GK5: variants seen among roughly 807,000 people sequenced by gnomAD.
GK5 encodes the protein glycerol kinase 5, also known as ATP:glycerol 3-phosphotransferase 5.
In GK5, 39 loss-of-function variants were observed where a neutral mutation model predicts 77.3. The ratio of observed to expected loss-of-function variants is 0.50; its 90% confidence interval spans 0.39 to 0.66. GK5 has a LOEUF of 0.66. Among genes scored for constraint, GK5 ranks in the 30% least tolerant of loss-of-function variants. The probability of loss-of-function intolerance (pLI) is 0.00; values close to 1 mark genes in which losing one functional copy is unlikely to be tolerated. For synonymous variants in GK5, 211 were observed against 208.0 expected, an observed-to-expected ratio of 1.01 and a Z score of -0.13; for missense variants, 487 against 633.8, an observed-to-expected ratio of 0.77 and a Z score of 2.49.
chr3:142,190,432 G>A (rs2063832845), intron 5 of GK5, among the ~76,000 whole-genome samples: 1 of 152,120 alleles, frequency 6.6e-6, no homozygotes, highest in South Asian at 2.1e-4. Context: ...AGGTCCTAGG[G>A]CAATGGCCCA....
chr3:142,208,884 T>C (rs2064149638), intron 3 of GK5, among the ~76,000 whole-genome samples: 1 of 152,158 alleles, frequency 6.6e-6, no homozygotes, highest in South Asian at 2.1e-4. Flanking sequence ...GCGTGGTGGC[T>C]CACGCCTGTA....
At chr3:142,166,522 TAATAAAA>T in intron 15 of GK5, among the ~76,000 whole-genome samples, 1 of 152,148 alleles carries the variant, frequency 6.6e-6, no homozygotes, top group African/African-American at 2.4e-5. Context: ...ATATGATATA[TAATAAAA>T]AGCAAGAGAA....
At chr3:142,188,997 CT>C in intron 5 of GK5, among the ~76,000 whole-genome samples, 1 of 152,274 alleles carries the variant, frequency 6.6e-6, no homozygotes, top group South Asian at 2.1e-4. Context: ...CTTATTTGTC[CT>C]TCAAGACCAG....
At chr3:142,205,961 A>C (rs1280705957) in intron 3 of GK5, among the ~76,000 whole-genome samples, 1 of 152,048 alleles carries the variant, frequency 6.6e-6, no homozygotes. Context: ...GTGTCTATAC[A>C]TTTGCCTATT....
At chr3:142,198,551 T>C (rs2063970051) in intron 5 of GK5, among the ~76,000 whole-genome samples, 1 of 152,152 alleles carries the variant, frequency 6.6e-6, no homozygotes, top group Non-Finnish European at 1.5e-5. Flanking sequence ...GAGCTGGAGA[T>C]TGCAGTGAGC....
intron 13 of GK5, among the ~76,000 whole-genome samples, chr3:142,172,125 T>C (rs1434317078): frequency 6.6e-6 from 1 of 152,056 alleles, no homozygotes; most frequent in Non-Finnish European, 1.5e-5. Context: ...AATCCTTCAA[T>C]TTTCAGATAT....
intron 11 of GK5, among the ~76,000 whole-genome samples, chr3:142,179,312 G>GT (rs1265949838): frequency 5.3e-5 from 8 of 152,164 alleles, no homozygotes; most frequent in Non-Finnish European, 1.0e-4. Flanking sequence ...TATCAAATCC[G>GT]TAAGTTTCAT....
At chr3:142,203,369 C>A (rs1302901130) in intron 4 of GK5, among the ~76,000 whole-genome samples, 1 of 152,158 alleles carries the variant, frequency 6.6e-6, no homozygotes, top group Admixed American at 6.5e-5. Flanking sequence ...AAATTAATAT[C>A]ATCAAATACT....
intron 15 of GK5, among the ~76,000 whole-genome samples, chr3:142,168,998 G>T (rs1316723320): frequency 6.6e-6 from 1 of 152,142 alleles, no homozygotes; most frequent in Non-Finnish European, 1.5e-5. Context: ...CCTCTGGGAA[G>T]CCTAGACCAC....
chr3:142,177,575 G>A lies in GK5; in HGVS notation c.1050C>T (p.Asp350=). The change falls in exon 12 of 16, where the codon GAC becomes GAT. Residue 350 remains aspartate (D), a splice_region_variant and synonymous_variant. Coordinates refer to ENST00000392993, the MANE Select transcript of GK5 (RefSeq NM_001039547.3). The part of the protein sequence containing the change: ...GTAIKWAQQL[D]LFTDAAETEK... Reference sequence around the variant, plus strand: ...CAGTCTCAGCAGCATCTGTGAAAAGGTCTGCAAAAACAAACAAACAACAAA... The same window carrying A: ...CAGTCTCAGCAGCATCTGTGAAAAGATCTGCAAAAACAAACAAACAACAAA... The A allele has an allele frequency of 1.9e-5, 30 of 1,597,488 alleles. No homozygotes were observed. The highest frequency in any genetic ancestry group is 2.6e-5 in the Non-Finnish European group (30 of 1,169,414).
chr3:142,173,327 A>C, intron 12 of GK5: 1 of 301,530 alleles, frequency 3.3e-6, no homozygotes, highest in South Asian at 3.1e-5. Flanking sequence ...AGTATGTATT[A>C]ATCAGATGAG....
In GK5 at chr3:142,213,109, C is replaced by T. The variant is rs531351397; in HGVS notation, c.317+417G>A. On this transcript the variant is annotated intron_variant, in intron 3 of 15. Coordinates refer to ENST00000392993, the MANE Select transcript of GK5 (RefSeq NM_001039547.3). ...TCGGCCTCCCAAAGTGCTGGGATTA[C>T]AGGCGTGAGCCACCGCTCCTGGCCG... 3.3e-5 allele frequency among the ~76,000 whole-genome samples: 5 copies of T among 152,258 alleles called. No homozygotes were observed. In the South Asian group the frequency reaches 8.3e-4, roughly 25 times the overall value.
chr3:142,170,213 T>C, intron 15 of GK5, 112 bp downstream of exon 15: 2 of 1,113,296 alleles, frequency 1.8e-6, no homozygotes, highest in South Asian at 1.2e-5. Context: ...TGGAGTTTAA[T>C]GGACGCCAAG....
intron 5 of GK5, among the ~76,000 whole-genome samples, chr3:142,193,728 G>C (rs1461880659): frequency 6.6e-6 from 1 of 151,966 alleles, no homozygotes; most frequent in Non-Finnish European, 1.5e-5. Flanking sequence ...TTTTGTAAAT[G>C]AAACTGTTTT....
chr3:142,181,628 C>T (rs2107773892), intron 10 of GK5, 63 bp from the exon 11 acceptor site: 7 of 1,135,190 alleles, frequency 6.2e-6, no homozygotes, highest in Non-Finnish European at 9.1e-6. Context: ...GAGACTTCTA[C>T]AATGTAATGA....
At chr3:142,199,760 C>T (rs2063989539) in intron 4 of GK5, among the ~76,000 whole-genome samples, 2 of 148,382 alleles carry the variant, frequency 1.3e-5, no homozygotes, top group Admixed American at 6.7e-5. Context: ...GTCTTTAAGA[C>T]ATACTAGGAA....
intron 12 of GK5, among the ~76,000 whole-genome samples, chr3:142,175,310 T>C (rs2063593651): frequency 6.6e-6 from 1 of 152,204 alleles, no homozygotes; most frequent in Non-Finnish European, 1.5e-5. Context: ...CCACCCTTTC[T>C]GCCATTCCCT....
chr3:142,185,412 CA>C (rs58554339), intron 9 of GK5: 252,405 of 710,800 alleles, frequency 0.36, 12,258 homozygotes, highest in African/African-American at 0.61. Flanking sequence ...GACCCTGTCT[CA>C]AAAAAAAAAA....
intron 5 of GK5, among the ~76,000 whole-genome samples, chr3:142,189,001 A>G (rs542035185): frequency 6.6e-6 from 1 of 152,316 alleles, no homozygotes; most frequent in African/African-American, 2.4e-5. Context: ...TTTGTCCTTC[A>G]AGACCAGCAT....
Sources: allele counts gnomAD v4.1 joint callset (sites outside exome capture counted in the v4.1 genomes callset), GRCh38; gene constraint gnomAD v4.1.1; transcripts MANE v1.5; gene names NCBI Gene and HGNC (gene_info 2026-07-23, HGNC 2026-07-21).